The following NFIX variants were observed in gnomAD, a reference collection of about 807,000 sequenced individuals.
The protein encoded by NFIX is nuclear factor 1 X-type.
In NFIX, 2 loss-of-function variants were observed where a neutral mutation model predicts 53.3. The observed-to-expected ratio is 0.04, with a 90% CI of 0.02 to 0.12. NFIX has a LOEUF of 0.12. Among genes scored for constraint, NFIX ranks in the 10% least tolerant of loss-of-function variants. NFIX has a pLI of 1.00. For synonymous variants in NFIX, 244 were observed against 289.0 expected (o/e 0.84, Z 1.58); for missense variants, 310 against 674.5 (o/e 0.46, Z 5.99).
Position 13,014,409 on chromosome 19 carries a change from C to T in NFIX, c.28-10612C>T, listed in dbSNP as rs1178423293. On this transcript the variant is annotated intron_variant, in intron 1 of 10. Transcript: ENST00000592199. The surrounding 1 kb of genome is among the most constrained non-coding windows in gnomAD (Gnocchi z 4.4). ...GGAAGAAAGGAGCCGGGCTCTGGTA[C>T]CCCGATGCCAGCCGAGGGCGCGTTT... 6.6e-6 allele frequency: 1 copy of T among 152,266 alleles called. No individual in the cohort carries two copies. Among genetic ancestry groups the T allele is most frequent in the Non-Finnish European group, 1.5e-5 (1 of 68,052 alleles). 9.4% of individuals were successfully genotyped at this position (152,266 alleles called of 1,614,324 possible).
intron 2 of NFIX, among the ~76,000 whole-genome samples, chr19:13,026,232 C>G (rs182430691): frequency 2.4e-4 from 37 of 152,176 alleles, no homozygotes; most frequent in Non-Finnish European, 1.5e-5. Context: ...AGCTCTTTCC[C>G]TTCTCCTTAT....
At chr19:13,092,434 C>G (rs2018198194) in intron 10 of NFIX, among the ~76,000 whole-genome samples, 1 of 152,182 alleles carries the variant, frequency 6.6e-6, no homozygotes, top group African/African-American at 2.4e-5. Flanking sequence ...GAACCAGAGT[C>G]TTCCTTCCCT....
intron 6 of NFIX, among the ~76,000 whole-genome samples, chr19:13,076,505 G>A (rs1036679777): frequency 1.3e-5 from 2 of 152,110 alleles, no homozygotes; most frequent in African/African-American, 2.4e-5. Flanking sequence ...GAGGCTGGCC[G>A]CAAGAGTCCC....
rs115841709 is a variant in NFIX, at chr19:13,008,105, C to T, written c.27+12241C>T. Among the ~76,000 whole-genome samples the T allele has an allele frequency of 5.8e-3, 888 of 152,288 alleles. 11 individuals carry two copies. Among genetic ancestry groups the T allele is most frequent in the African/African-American group, 0.02 (826 of 41,562 alleles). On this transcript the variant is annotated intron_variant, in intron 1 of 10. Transcript: ENST00000592199. ...GTAGGAGGGGGTGACAGGGCACTAC[C>T]CCTCAGCCCATGGAGTCCTGGGATT...
In NFIX at chr19:13,036,291, T is replaced by G. The variant is rs1485269286; in HGVS notation, c.559+10739T>G. 6.6e-6 allele frequency among the ~76,000 whole-genome samples: 1 copy of G among 152,206 alleles called. No homozygotes were observed. The highest frequency in any genetic ancestry group is 1.5e-5 in the Non-Finnish European group (1 of 68,024). On this transcript the variant is annotated intron_variant, in intron 2 of 10. Transcript: ENST00000592199. The surrounding 1 kb of genome is among the most constrained non-coding windows in gnomAD (Gnocchi z 4.7). ...TTAAAATGGGGGGATGAAGCGTCAG[T>G]CATGCTTCCAGGATTTATTTCATCA...
Position 13,094,503 on chromosome 19 carries a change from G to A in NFIX, c.1495-132G>A. ...CTTTCTTCTCCATGGGAACAAGGTG[G>A]GTGGTGGCTGCCCGGCACCCTGGCT... On this transcript the variant is annotated intron_variant, in intron 10 of 10. Coordinates refer to ENST00000592199, the MANE Select transcript of NFIX (RefSeq NM_001365902.3). The surrounding 1 kb of genome is among the most constrained non-coding windows in gnomAD (Gnocchi z 4.3). 1 of 802,802 alleles carries A rather than the reference G, an allele frequency of 1.2e-6. No individual in the cohort carries two copies. The highest frequency in any genetic ancestry group is 2.0e-6 in the Non-Finnish European group (1 of 502,838). The allele number at this position is 802,802 out of a possible 1,614,324, so 49.7% of individuals were successfully genotyped here.
chr19:13,059,015 C>T (rs1319115249), intron 2 of NFIX, among the ~76,000 whole-genome samples: 1 of 152,150 alleles, frequency 6.6e-6, no homozygotes, highest in Non-Finnish European at 1.5e-5. Context: ...CATTTGCCTC[C>T]TCTCATCTTA....
rs1169509832 is a variant in NFIX, at chr19:13,054,139, C to G, written c.560-18908C>G. Among the ~76,000 whole-genome samples the G allele has an allele frequency of 3.3e-5, 5 of 152,198 alleles. No homozygotes were observed. The East Asian group carries it at 9.6e-4, about 29-fold the overall frequency. On this transcript the variant is annotated intron_variant, in intron 2 of 10. Coordinates refer to ENST00000592199, the MANE Select transcript of NFIX (RefSeq NM_001365902.3). The stretch of plus-strand genomic sequence containing the variant: ...CCTGCCCAGGGTCCTCCCCCAGTTC[C>G]CGTCTCTACCGTGGACAGATCTGGA...
Position 13,013,696 on chromosome 19 carries a change from T to A in NFIX, c.28-11325T>A, listed in dbSNP as rs1370918832. The A allele has an allele frequency of 2.0e-5, 3 of 152,270 alleles. No homozygotes were observed. The highest frequency in any genetic ancestry group is 2.1e-4 in the South Asian group (1 of 4,830). 9.4% of individuals were successfully genotyped at this position (152,270 alleles called of 1,614,324 possible). ...GGAGTTTTATTACTTCTTTTTTTTT[T>A]ATAAAGCATGTGAGACAGAGGCTGA... is the stretch of plus-strand genomic sequence containing the variant. On this transcript the variant is annotated intron_variant, in intron 1 of 10. Transcript: ENST00000592199. This position sits in a 1 kb window ranked among gnomAD's most constrained non-coding sequence, Gnocchi z 5.9.
In NFIX at chr19:13,045,044, G is replaced by A. The variant is rs554824451; in HGVS notation, c.559+19492G>A. Among the ~76,000 whole-genome samples the A allele has an allele frequency of 2.6e-5, 4 of 152,296 alleles. No individual in the cohort carries two copies. The highest frequency in any genetic ancestry group is 1.9e-4 in the East Asian group (1 of 5,182). On this transcript the variant is annotated intron_variant, in intron 2 of 10. Transcript: ENST00000592199. The surrounding 1 kb of genome is among the most constrained non-coding windows in gnomAD (Gnocchi z 4.4). The stretch of plus-strand genomic sequence containing the variant: ...AGGATGGTGAGAACAGCGGTGGCCC[G>A]CCGGCAGCTCAGATACCTGGGAGCA...
intron 1 of NFIX, among the ~76,000 whole-genome samples, chr19:13,018,313 T>C (rs2012771783): frequency 1.4e-5 from 1 of 73,062 alleles, no homozygotes; most frequent in Non-Finnish European, 2.6e-5. Flanking sequence ...TGGTTTGTAG[T>C]CTGGAGGAGA....
chr19:13,009,739 A>C lies in NFIX; in HGVS notation c.27+13875A>C, dbSNP rs909151188. ...GTGGGGTACTGATGGGCACTGAAAA[A>C]CCGATGGGCAGTGAGGGCTATCAGA... On this transcript the variant is annotated intron_variant, in intron 1 of 10. Transcript: ENST00000592199. This position sits in a 1 kb window ranked among gnomAD's most constrained non-coding sequence, Gnocchi z 4.7. Among the ~76,000 whole-genome samples the C allele has an allele frequency of 1.3e-5, 2 of 152,098 alleles. No individual in the cohort carries two copies. The highest frequency in any genetic ancestry group is 2.9e-5 in the Non-Finnish European group (2 of 68,004).
In NFIX at chr19:13,072,974, G is replaced by A; in HGVS notation, c.560-73G>A. On this transcript the variant is annotated intron_variant, in intron 2 of 10. Transcript: ENST00000592199. The surrounding 1 kb of genome is among the most constrained non-coding windows in gnomAD (Gnocchi z 4.0). ...GTCCCTGCTCTTGCACCAGGCTGGA[G>A]GGGCCAATGCTTGGCTGGTGCTTAT... The A allele has an allele frequency of 3.5e-6, 5 of 1,420,558 alleles. No homozygotes were observed. The highest frequency in any genetic ancestry group is 5.0e-6 in the Non-Finnish European group (5 of 1,003,760). The allele number at this position is 1,420,558 out of a possible 1,614,324, so 88.0% of individuals were successfully genotyped here. A position where few individuals can be genotyped will look rare whatever the true frequency, so the allele number is the denominator to read the frequency against.
At chr19:13,069,579 G>A (rs967638699) in intron 2 of NFIX, among the ~76,000 whole-genome samples, 4 of 152,124 alleles carry the variant, frequency 2.6e-5, no homozygotes, top group South Asian at 2.1e-4. Flanking sequence ...GAGCCACCCC[G>A]GGCTCAGGGG....
intron 1 of NFIX, among the ~76,000 whole-genome samples, chr19:13,007,382 C>T (rs1382121607): frequency 6.6e-6 from 1 of 152,176 alleles, no homozygotes; most frequent in Non-Finnish European, 1.5e-5. Flanking sequence ...TCCATCCACC[C>T]CTTCATTTGC....
In NFIX at chr19:13,014,532, C is replaced by A. The variant is rs1252834496; in HGVS notation, c.28-10489C>A. ...CTCCCCTAAAAAGAATCAAGTATTT[C>A]TAGAGATCGCCTGCTCAGAGGGCTC... On this transcript the variant is annotated intron_variant, in intron 1 of 10. Transcript: ENST00000592199. The surrounding 1 kb of genome is among the most constrained non-coding windows in gnomAD (Gnocchi z 4.4). 6.6e-6 allele frequency: 1 copy of A among 152,252 alleles called. No homozygotes were observed. The highest frequency in any genetic ancestry group is 1.5e-5 in the Non-Finnish European group (1 of 68,042). 9.4% of individuals were successfully genotyped at this position (152,252 alleles called of 1,614,324 possible).
At position 13,052,664 on chromosome 19, in the gene NFIX, A is replaced by T. The variant is rs1306066018; in HGVS notation, c.560-20383A>T. ...TTGGGCTGAACCTAGAGTTGTTCAT[A>T]GCCTGGCCTTAACCCTGCCGATTCC... On this transcript the variant is annotated intron_variant, in intron 2 of 10. Coordinates refer to ENST00000592199, the MANE Select transcript of NFIX (RefSeq NM_001365902.3). This position sits in a 1 kb window ranked among gnomAD's most constrained non-coding sequence, Gnocchi z 5.2. Among the ~76,000 whole-genome samples the T allele has an allele frequency of 6.6e-6, 1 of 152,204 alleles. No individual in the cohort carries two copies. The highest frequency in any genetic ancestry group is 1.5e-5 in the Non-Finnish European group (1 of 68,036).
intron 2 of NFIX, among the ~76,000 whole-genome samples, chr19:13,026,988 T>C (rs1192573308): frequency 6.6e-6 from 1 of 152,224 alleles, no homozygotes; most frequent in Non-Finnish European, 1.5e-5. Flanking sequence ...GGAGGAATGA[T>C]ATAACTGGAT....
At chr19:13,050,769 T>G (rs947866849) in intron 2 of NFIX, among the ~76,000 whole-genome samples, 17 of 152,142 alleles carry the variant, frequency 1.1e-4, no homozygotes, top group African/African-American at 3.6e-4. Context: ...CTAGAGTGAT[T>G]CTGAGGAAAC....
Sources: allele counts gnomAD v4.1 joint callset (sites outside exome capture counted in the v4.1 genomes callset), GRCh38; gene constraint gnomAD v4.1.1; non-coding constraint Gnocchi (gnomAD v3.1); transcripts MANE v1.5; gene names NCBI Gene and HGNC (gene_info 2026-07-23, HGNC 2026-07-21).